Variants in GAK observed in about 807,000 individuals in gnomAD.
GAK encodes the protein cyclin G associated kinase, also known as cyclin-G-associated kinase.
GAK carries 79 observed loss-of-function variants against 143.9 expected under a neutral mutation model. That is an observed-to-expected ratio of 0.55 (90% CI 0.46 to 0.66). The LOEUF (loss-of-function observed/expected upper bound fraction) is 0.66. Among genes scored for constraint, GAK ranks in the 30% least tolerant of loss-of-function variants. The pLI is 0.00. For missense variants in GAK, 1,693 were observed against 1,779.7 expected, an observed-to-expected ratio of 0.95 and a Z score of 0.88; for synonymous variants, 881 against 765.5, an observed-to-expected ratio of 1.15 and a Z score of -2.49.
intron 5 of GAK, among the ~76,000 whole-genome samples, chr4:903,627 A>AC (rs1720426044): frequency 7.0e-6 from 1 of 142,474 alleles, no homozygotes; most frequent in African/African-American, 2.7e-5. Flanking sequence ...GCGGGGCCTG[A>AC]ACTGACACCA....
intron 18 of GAK, among the ~76,000 whole-genome samples, chr4:871,179 C>T (rs939534978): frequency 6.6e-6 from 1 of 152,224 alleles, no homozygotes; most frequent in Admixed American, 6.5e-5. Flanking sequence ...TGGGGATGCC[C>T]GCGACTGTGT....
At chr4:920,406 CG>C (rs779106741) in intron 1 of GAK, among the ~76,000 whole-genome samples, 41 of 151,788 alleles carry the variant, frequency 2.7e-4, no homozygotes, top group Admixed American at 7.9e-4. Flanking sequence ...GCAGGGAAAG[CG>C]GAAGGAAAAT....
In GAK at chr4:883,350, G is replaced by C; in HGVS notation, c.1369C>G (p.Pro457Ala). ...AACCTGGAGGGCCGGTAGGTCCTCG[G>C]GGACAGGTTGTAGACGGCATAGTGC... ...PGHYAVYNLS[P>A]RTYRPSRFHN... Residue 457 changes from proline to alanine, a missense_variant, in exon 13 of 28, where the codon CCG becomes GCG. This residue lies in a region of GAK where 871 missense variants were observed against 991.0 expected (regional missense o/e 0.88). Coordinates refer to ENST00000314167, the MANE Select transcript of GAK (RefSeq NM_005255.4). 1 of 1,613,642 alleles carries C rather than the reference G, an allele frequency of 6.2e-7. No homozygotes were observed. The highest frequency in any genetic ancestry group is 8.5e-7 in the Non-Finnish European group (1 of 1,180,010).
chr4:914,716 CCCCCGCACTCAGCCCCAGCGTGCAAGG>C (rs1393194985), intron 1 of GAK, among the ~76,000 whole-genome samples: 10 of 129,124 alleles, frequency 7.7e-5, no homozygotes, highest in Non-Finnish European at 1.6e-4. Context: ...CATACACGGC[CCCCCGCACTCAGCCCCAGCGTGCAAGG>C]CCCCACACAC....
intron 11 of GAK, among the ~76,000 whole-genome samples, chr4:885,184 G>A (rs1357734267): frequency 1.3e-5 from 2 of 152,194 alleles, no homozygotes; most frequent in Non-Finnish European, 2.9e-5. Context: ...AAGACGGGGA[G>A]GCACGGTGAG....
rs149731617 is a variant in GAK, at chr4:850,988, G to A, written c.3605C>T (p.Ala1202Val). The change falls in exon 26 of 28, where the codon GCA becomes GTA. Residue 1202 changes from alanine (A) to valine (V), a missense_variant. Physicochemically the swap from Ala to Val is moderately conservative, Grantham distance 64. This residue lies in a region of GAK where 822 missense variants were observed against 788.7 expected (regional missense o/e 1.04). Coordinates refer to ENST00000314167, the MANE Select transcript of GAK (RefSeq NM_005255.4). The part of the protein sequence containing the change: ...RSDKKGPKTI[A>V]EMRKQDLAKD... Reference sequence around the variant, plus strand: ...AGCCAGGTCCTGCTTCCTCATCTCTGCAATGGTCTTTGGCCCTTTCTTGTC... The same window carrying A: ...AGCCAGGTCCTGCTTCCTCATCTCTACAATGGTCTTTGGCCCTTTCTTGTC... 1.2e-6 allele frequency: 2 copies of A among 1,613,964 alleles called. No individual in the cohort carries two copies. The highest frequency in any genetic ancestry group is 2.7e-5 in the African/African-American group (2 of 74,920).
intron 21 of GAK, 34 bp downstream of exon 21, chr4:866,922 T>C (rs2152745575): frequency 7.1e-7 from 1 of 1,410,942 alleles, no homozygotes; most frequent in South Asian, 1.4e-5. Flanking sequence ...TCATCTACTG[T>C]GAAGCCACTC....
intron 5 of GAK, 150 bp from the exon 6 acceptor site, chr4:898,308 C>T (rs1385191802): frequency 1.2e-6 from 1 of 808,318 alleles, no homozygotes; most frequent in Non-Finnish European, 2.0e-6. Flanking sequence ...GCACCTCACA[C>T]CTGCGGACAC....
rs561041311 is a variant in GAK, at chr4:857,592, A to T, written c.3283+2014T>A. ...ACGTAAGTCGTCAAGCATACTGCAC[A>T]GAGGCGCCTGCACCCGTGACCCTCG... is the stretch of plus-strand genomic sequence containing the variant. On this transcript the variant is annotated intron_variant, in intron 24 of 27. Transcript: ENST00000314167. Among the ~76,000 whole-genome samples, 8 of 152,336 alleles carry T rather than the reference A, an allele frequency of 5.3e-5. No individual in the cohort carries two copies. In the East Asian group the frequency reaches 1.5e-3, roughly 29 times the overall value.
chr4:868,396 G>A, intron 20 of GAK, 143 bp downstream of exon 20: 1 of 693,664 alleles, frequency 1.4e-6, no homozygotes, highest in Non-Finnish European at 2.4e-6. Context: ...AGAACAGGCT[G>A]ACATGCCGGG....
intron 4 of GAK, among the ~76,000 whole-genome samples, chr4:907,341 T>C (rs1721261890): frequency 6.6e-6 from 1 of 152,090 alleles, no homozygotes; most frequent in African/African-American, 2.4e-5. Context: ...CCTCAAAAGC[T>C]TTGTGCTGAC....
intron 23 of GAK, among the ~76,000 whole-genome samples, chr4:864,533 G>A (rs987279711): frequency 6.6e-6 from 1 of 152,216 alleles, no homozygotes; most frequent in Non-Finnish European, 1.5e-5. Flanking sequence ...ATACGCATCC[G>A]CGCTACCAGA....
In GAK at chr4:849,462, C is replaced by T. The variant is rs1747665438; in HGVS notation, c.*211G>A. 1.4e-5 allele frequency: 8 copies of T among 573,496 alleles called. No individual in the cohort carries two copies. Among genetic ancestry groups the T allele is most frequent in the Non-Finnish European group, 2.5e-5 (8 of 318,524 alleles). 35.5% of individuals were successfully genotyped at this position (573,496 alleles called of 1,614,324 possible). On this transcript the variant is annotated 3_prime_UTR_variant, in exon 28 of 28. Transcript: ENST00000314167. ...GCGGGAGGAGCATGAATCAGCTGTT[C>T]CTTCGGGAGGAGAAAAAGGAAACAA... is the stretch of plus-strand genomic sequence containing the variant.
At chr4:879,184 T>C (rs918774536) in intron 15 of GAK, among the ~76,000 whole-genome samples, 1 of 152,094 alleles carries the variant, frequency 6.6e-6, no homozygotes, top group Admixed American at 6.5e-5. Flanking sequence ...CATGTAGCAA[T>C]GACTAGTACG....
intron 24 of GAK, among the ~76,000 whole-genome samples, chr4:856,295 A>C (rs1749149440): frequency 8.1e-6 from 1 of 123,950 alleles, no homozygotes; most frequent in African/African-American, 3.6e-5. Flanking sequence ...ACAGCTGCTC[A>C]CCCCTGCTCA....
chr4:905,982 C>T (rs1157625067), intron 4 of GAK, among the ~76,000 whole-genome samples: 1 of 152,270 alleles, frequency 6.6e-6, no homozygotes. Context: ...GGCCAGGGGG[C>T]AAGACGCCCA....
intron 24 of GAK, 31 bp from the exon 25 acceptor site, chr4:852,005 C>G: frequency 6.3e-7 from 1 of 1,579,726 alleles, no homozygotes; most frequent in South Asian, 1.1e-5. Flanking sequence ...AACTCGGCAT[C>G]TGGTTGTCCA....
intron 1 of GAK, chr4:915,701 A>G (rs570974574): frequency 1.3e-5 from 2 of 152,366 alleles, no homozygotes; most frequent in South Asian, 4.1e-4. Flanking sequence ...AAACGAGGAC[A>G]GAAAGAAACC....
chr4:918,707 C>A (rs1460001576), intron 1 of GAK, among the ~76,000 whole-genome samples: 1 of 152,378 alleles, frequency 6.6e-6, no homozygotes, highest in South Asian at 2.1e-4. Context: ...AACTAAAACT[C>A]CTCTCATTTT....
Sources: gnomAD v4.1 joint callset for allele counts (sites outside exome capture counted in the v4.1 genomes callset) on GRCh38, gnomAD v4.1.1 for gene constraint, gnomAD v4.1.1 regional missense constraint, MANE v1.5 for transcripts, NCBI Gene and HGNC (gene_info 2026-07-23, HGNC 2026-07-21) for gene names.